STK3: variants seen among roughly 807,000 people sequenced by gnomAD.
STK3 encodes serine/threonine kinase 3, also known as serine/threonine-protein kinase 3.
STK3 carries 41 observed loss-of-function variants against 58.0 expected under a neutral mutation model. That is an observed-to-expected ratio of 0.71 (90% CI 0.55 to 0.92). The LOEUF (loss-of-function observed/expected upper bound fraction) is 0.92, where lower values mean the gene tolerates loss of function less well. Among genes scored for constraint, STK3 ranks in the 40% least tolerant of loss-of-function variants. STK3 has a pLI of 0.00. For missense variants in STK3, 479 were observed against 602.7 expected, an observed-to-expected ratio of 0.79 and a Z score of 2.15; for synonymous variants, 170 against 191.0, an observed-to-expected ratio of 0.89 and a Z score of 0.91.
At chr8:98,806,796 A>T (rs1833908465) in intron 1 of STK3, among the ~76,000 whole-genome samples, 1 of 152,070 alleles carries the variant, frequency 6.6e-6, no homozygotes, top group Non-Finnish European at 1.5e-5. Flanking sequence ...AAAGAATCAC[A>T]CACCAAATGT....
At chr8:98,695,621 T>A (rs1824838078) in intron 6 of STK3, among the ~76,000 whole-genome samples, 1 of 152,220 alleles carries the variant, frequency 6.6e-6, no homozygotes, top group Admixed American at 6.5e-5. Context: ...CCCCATTGCT[T>A]GTTTTTCTCA....
At chr8:98,349,880 T>C in the STK3 span, among the ~76,000 whole-genome samples, 1 of 151,572 alleles carries the variant, frequency 6.6e-6, no homozygotes, top group South Asian at 2.1e-4. Flanking sequence ...ACCATTTTTT[T>C]CTCCTAGGCC....
chr8:98,369,916 G>T (rs932254058), downstream of STK3, among the ~76,000 whole-genome samples: 10 of 152,036 alleles, frequency 6.6e-5, no homozygotes, highest in Non-Finnish European at 1.2e-4. Context: ...ATGGTGTGGG[G>T]ATGGGGTGAG....
chr8:98,786,207 T>G (rs1247374193), intron 1 of STK3, among the ~76,000 whole-genome samples: 1 of 152,140 alleles, frequency 6.6e-6, no homozygotes, highest in Admixed American at 6.5e-5. Flanking sequence ...TTAAGAAATT[T>G]CAAAATATAA....
intron 8 of STK3, among the ~76,000 whole-genome samples, chr8:98,577,433 G>A (rs1813500482): frequency 6.6e-6 from 1 of 152,182 alleles, no homozygotes; most frequent in Non-Finnish European, 1.5e-5. Flanking sequence ...GTTGCAGTAA[G>A]CCAAGATCAT....
intron 6 of STK3, among the ~76,000 whole-genome samples, chr8:98,640,347 A>G (rs1042942751): frequency 3.3e-5 from 5 of 151,998 alleles, no homozygotes; most frequent in Admixed American, 6.6e-5. Context: ...ACTGTGCCTG[A>G]CCTCCATATT....
intron 10 of STK3, among the ~76,000 whole-genome samples, chr8:98,458,642 C>G (rs7815957): frequency 0.94 from 143,326 of 152,206 alleles, 67,572 homozygotes; most frequent in Non-Finnish European, 0.95. Context: ...TCTAGGGAGA[C>G]ACCTGGTGGG....
chr8:98,818,633 G>A (rs1834700290), intron 1 of STK3, among the ~76,000 whole-genome samples: 1 of 151,556 alleles, frequency 6.6e-6, no homozygotes, highest in African/African-American at 2.4e-5. Flanking sequence ...TAAGATGTCT[G>A]GTATTATATA....
chr8:98,709,955 G>A (rs540589766), intron 4 of STK3, among the ~76,000 whole-genome samples: 50 of 151,940 alleles, frequency 3.3e-4, no homozygotes, highest in Admixed American at 2.7e-3. Context: ...GGCAAAAACC[G>A]AAATTACTTT....
chr8:98,387,025 A>C (rs1209936169), intron 1 of STK3, among the ~76,000 whole-genome samples: 1 of 152,214 alleles, frequency 6.6e-6, no homozygotes, highest in Non-Finnish European at 1.5e-5. Context: ...ATTAATTAGG[A>C]AAATGCAATT....
chr8:98,382,290 T>G (rs1196971193), intron 1 of STK3, among the ~76,000 whole-genome samples: 2 of 152,214 alleles, frequency 1.3e-5, no homozygotes, highest in Non-Finnish European at 2.9e-5. Context: ...CATTTGCCTA[T>G]TTTTGGAGTT....
chr8:98,787,183 A>C (rs1459448580), intron 1 of STK3, among the ~76,000 whole-genome samples: 4 of 149,752 alleles, frequency 2.7e-5, no homozygotes, highest in African/African-American at 7.3e-5. Context: ...AAAAAAAAAA[A>C]AAAAAAAAAA....
chr8:98,502,306 C>G (rs1768164255), intron 10 of STK3, among the ~76,000 whole-genome samples: 1 of 152,138 alleles, frequency 6.6e-6, no homozygotes, highest in Admixed American at 6.5e-5. Flanking sequence ...AGATTTTGGG[C>G]TGAGACAATG....
At chr8:98,898,192 G>T (rs1241683051) in intron 1 of STK3, among the ~76,000 whole-genome samples, 1 of 152,220 alleles carries the variant, frequency 6.6e-6, no homozygotes, top group Non-Finnish European at 1.5e-5. Flanking sequence ...CCCAGTCATG[G>T]CCTGATGCCG....
chr8:98,766,303 C>T (rs1031817307), intron 3 of STK3, among the ~76,000 whole-genome samples: 2 of 152,126 alleles, frequency 1.3e-5, no homozygotes, highest in Admixed American at 6.5e-5. Context: ...GGCACAGTAC[C>T]GGGTCAACTG....
intron 3 of STK3, among the ~76,000 whole-genome samples, chr8:98,422,589 A>G (rs546483866): frequency 1.3e-5 from 2 of 152,340 alleles, no homozygotes; most frequent in South Asian, 4.1e-4. Context: ...AAGGTAAAGA[A>G]TTCTGGGAGG....
At chr8:98,635,692 A>C (rs897326636) in intron 6 of STK3, among the ~76,000 whole-genome samples, 3 of 152,234 alleles carry the variant, frequency 2.0e-5, no homozygotes, top group Admixed American at 2.0e-4. Flanking sequence ...TAAGTAAAAA[A>C]ACACACAGAA....
intron 3 of STK3, among the ~76,000 whole-genome samples, chr8:98,763,300 A>G (rs1563975101): frequency 1.3e-5 from 2 of 152,224 alleles, no homozygotes; most frequent in African/African-American, 4.8e-5. Context: ...ACATTCAGCA[A>G]TAAACAAAGC....
chr8:98,483,373 T>C (rs1482278058), intron 10 of STK3, among the ~76,000 whole-genome samples: 1 of 152,186 alleles, frequency 6.6e-6, no homozygotes, highest in African/African-American at 2.4e-5. Context: ...TAAGTTAAAA[T>C]GGAGAAAATT....
Sources: gnomAD v4.1 joint callset for allele counts (sites outside exome capture counted in the v4.1 genomes callset) on GRCh38, gnomAD v4.1.1 for gene constraint, MANE v1.5 for transcripts, NCBI Gene and HGNC (gene_info 2026-07-23, HGNC 2026-07-21) for gene names.